FBXO11: variants seen among roughly 807,000 people sequenced by gnomAD.
FBXO11 encodes F-box protein 11.
FBXO11 carries 13 observed loss-of-function variants against 117.0 expected under a neutral mutation model. That is an observed-to-expected ratio of 0.11 (90% confidence interval 0.07 to 0.18). The LOEUF is 0.18. Ranked by LOEUF, FBXO11 falls within the 10% of genes least tolerant of loss-of-function variation. The pLI is 1.00. For missense variants in FBXO11, 767 were observed against 1,164.4 expected, an observed-to-expected ratio of 0.66 and a Z score of 4.97; for synonymous variants, 490 against 380.5, an observed-to-expected ratio of 1.29 and a Z score of -3.35.
chr2:47,822,437 CT>C, intron 12 of FBXO11, 134 bp from the exon 13 acceptor site: 1 of 591,128 alleles, frequency 1.7e-6, no homozygotes, highest in African/African-American at 1.9e-5. Context: ...TTCATTATTT[CT>C]AAGGCCTAAG....
intron 1 of FBXO11, among the ~76,000 whole-genome samples, chr2:47,871,554 TTACA>T (rs1675626055): frequency 6.6e-6 from 1 of 152,252 alleles, no homozygotes; most frequent in South Asian, 2.1e-4. Context: ...TCATTTTAAT[TTACA>T]TTTTTTCTGA....
rs1324255831 is a variant in FBXO11, at chr2:47,901,094, T to TAC, written c.232+4393_232+4394dup. On this transcript the variant is annotated intron_variant, in intron 1 of 22. Transcript: ENST00000403359. ...ATATACACACGTGTGTACATATATA[T>TAC]ACATATATATGTATATATGTACACA... is the stretch of plus-strand genomic sequence containing the variant. Among the ~76,000 whole-genome samples, 6 of 114,734 alleles carry TAC rather than the reference T, an allele frequency of 5.2e-5. 1 individual carries two copies. The highest frequency in any genetic ancestry group is 1.3e-4 in the African/African-American group (4 of 31,574). The allele number at this position is 114,734 out of a possible 152,430, so 75.3% of individuals were successfully genotyped here.
At chr2:47,861,938 GCT>G (rs1432765858) in intron 1 of FBXO11, among the ~76,000 whole-genome samples, 1 of 148,980 alleles carries the variant, frequency 6.7e-6, no homozygotes, top group Non-Finnish European at 1.5e-5. Flanking sequence ...ATAGAATCTT[GCT>G]CTGTTTCTGT....
At chr2:47,854,610 A>G (rs1364226924) in intron 1 of FBXO11, among the ~76,000 whole-genome samples, 1 of 152,130 alleles carries the variant, frequency 6.6e-6, no homozygotes, top group Non-Finnish European at 1.5e-5. Context: ...AGAGGGACAA[A>G]CTAGATCAGC....
chr2:47,905,611 T>G lies in FBXO11; in HGVS notation c.110A>C (p.Gln37Pro), dbSNP rs1233512223. 3 of 1,356,304 alleles carry G rather than the reference T, an allele frequency of 2.2e-6. No homozygotes were observed. The highest frequency in any genetic ancestry group is 3.1e-5 in the Admixed American group (1 of 32,600). 84.0% of individuals were successfully genotyped at this position (1,356,304 alleles called of 1,614,324 possible). Residue 37 changes from glutamine to proline, a missense_variant, in exon 1 of 23, where the codon CAG (glutamine) becomes CCG (proline). Transcript: ENST00000403359. ...AGGCTGCTGCTGGGGCGGCTGCTGC[T>G]GGGGCGGCTGCGGCGGCGGCTGCTG... ...PPQQPPPQPPQQQPPQQQPPP... is the reference protein window; with the variant it reads ...PPQQPPPQPPPQQPPQQQPPP...
At position 47,814,526 on chromosome 2, in the gene FBXO11, ACACCACCATGC is replaced by A. The variant is rs1482718248; in HGVS notation, c.2007-670_2007-660del. 2.6e-5 allele frequency among the ~76,000 whole-genome samples: 4 copies of A among 152,076 alleles called. No individual in the cohort carries two copies. In the East Asian group the frequency reaches 7.8e-4, roughly 30 times the overall value. ...CCCGAGTAGCTGGGACTACAGGTGC[ACACCACCATGC>A]CCAGTTAATTTTTGTATTTTTTGTA... On this transcript the variant is annotated intron_variant, in intron 16 of 22. Coordinates refer to ENST00000403359, the MANE Select transcript of FBXO11 (RefSeq NM_001190274.2).
chr2:47,877,603 T>C (rs1016200309), intron 1 of FBXO11, among the ~76,000 whole-genome samples: 1 of 152,188 alleles, frequency 6.6e-6, no homozygotes, highest in African/African-American at 2.4e-5. Flanking sequence ...TGTGTATCTT[T>C]GTGTGCTTAC....
rs200557553 is a variant in FBXO11, at chr2:47,839,422, A to G, written c.439T>C (p.Ser147Pro). Reference sequence around the variant, plus strand: ...GTTACTTTCCCACAGGAAATACCTGATAGATCTTGTGATTTTCCAGACACT... The same window carrying G: ...GTTACTTTCCCACAGGAAATACCTGGTAGATCTTGTGATTTTCCAGACACT... ...ARVSGKSQDL[S>P]AAPAEQYLQE... Residue 147 changes from serine (S) to proline (P), a missense_variant, in exon 3 of 23, where the codon TCA becomes CCA. By Grantham distance (74) the Ser-to-Pro change is moderately conservative (BLOSUM62 -1). Coordinates refer to ENST00000403359, the MANE Select transcript of FBXO11 (RefSeq NM_001190274.2). 9 of 1,611,770 alleles carry G rather than the reference A, an allele frequency of 5.6e-6. No homozygotes were observed. The East Asian group carries it at 1.1e-4, about 20-fold the overall frequency.
At chr2:47,893,166 T>TTAAATAAATAAATAAATAAATAAA (rs369987358) in intron 1 of FBXO11, among the ~76,000 whole-genome samples, 122 of 141,580 alleles carry the variant, frequency 8.6e-4, no homozygotes, top group Non-Finnish European at 1.3e-3. Context: ...AAAAAATAAA[T>TTAAATAAATAAATAAATAAATAAA]TAAATAAATA....
intron 1 of FBXO11, among the ~76,000 whole-genome samples, chr2:47,843,622 A>C (rs1162617822): frequency 1.3e-5 from 2 of 152,042 alleles, no homozygotes; most frequent in African/African-American, 4.8e-5. Context: ...CTGCCTTACA[A>C]ATCTATTTTT....
Position 47,820,394 on chromosome 2 carries a change from T to G in FBXO11, c.1765A>C (p.Ile589Leu). ...NSCPIVRHNK[I>L]HDGQHGGIYV... ...ATCCCACCATGCTGGCCATCATGAA[T>G]TTTGTTATGCCGAACAATTGGACAA... Residue 589 changes from isoleucine to leucine, a missense_variant, in exon 14 of 23, where the codon ATT becomes CTT. Physicochemically the swap from Ile to Leu is conservative, Grantham distance 5. This residue lies in a region of FBXO11 where 67 missense variants were observed against 148.8 expected (regional missense o/e 0.45). Transcript: ENST00000403359. The G allele has an allele frequency of 6.2e-7, 1 of 1,613,856 alleles. No homozygotes were observed. Among genetic ancestry groups the G allele is most frequent in the Non-Finnish European group, 8.5e-7 (1 of 1,179,922 alleles).
At chr2:47,820,315 C>T (rs757272873) in intron 14 of FBXO11, 47 bp downstream of exon 14, 20 of 1,466,914 alleles carry the variant, frequency 1.4e-5, no homozygotes, top group Non-Finnish European at 1.8e-5. Context: ...CTTTATCCCC[C>T]TGGTTTTGAT....
At chr2:47,823,106 G>C in intron 12 of FBXO11, 37 bp downstream of exon 12, 1 of 1,487,990 alleles carries the variant, frequency 6.7e-7, no homozygotes, top group Admixed American at 2.0e-5. Context: ...ACCTTGAAGT[G>C]AAAAAGTAAT....
intron 4 of FBXO11, among the ~76,000 whole-genome samples, chr2:47,838,205 C>G (rs886387163): frequency 8.5e-5 from 13 of 152,130 alleles, no homozygotes; most frequent in Middle Eastern, 6.8e-3. Context: ...TGCACTCCAG[C>G]CTGGGTGACA....
At chr2:47,875,293 GGCAA>G (rs1675917162) in intron 1 of FBXO11, among the ~76,000 whole-genome samples, 1 of 152,128 alleles carries the variant, frequency 6.6e-6, no homozygotes, top group African/African-American at 2.4e-5. Flanking sequence ...AGTCACATGT[GGCAA>G]GTGGCTACCA....
intron 1 of FBXO11, among the ~76,000 whole-genome samples, chr2:47,894,045 C>G (rs1025951471): frequency 1.3e-5 from 2 of 152,200 alleles, no homozygotes; most frequent in African/African-American, 2.4e-5. Flanking sequence ...ACCATATCAT[C>G]AATTTCAATC....
intron 1 of FBXO11, among the ~76,000 whole-genome samples, chr2:47,862,014 G>C (rs1674814611): frequency 6.6e-6 from 1 of 152,066 alleles, no homozygotes; most frequent in Non-Finnish European, 1.5e-5. Context: ...CCAGGTTCAG[G>C]TGATTCTCCT....
chr2:47,856,120 AAAAC>A (rs1265948847), intron 1 of FBXO11, among the ~76,000 whole-genome samples: 5 of 152,206 alleles, frequency 3.3e-5, no homozygotes, highest in African/African-American at 9.7e-5. Context: ...CTAAAGATGA[AAAAC>A]AAACAAAAAC....
chr2:47,890,302 T>A (rs1677163607), intron 1 of FBXO11, among the ~76,000 whole-genome samples: 2 of 152,130 alleles, frequency 1.3e-5, no homozygotes, highest in Non-Finnish European at 2.9e-5. Context: ...TGATTATCAG[T>A]CATCCTCATT....
Sources: allele counts gnomAD v4.1 joint callset (sites outside exome capture counted in the v4.1 genomes callset), GRCh38; gene constraint gnomAD v4.1.1; regional missense constraint gnomAD v4.1.1; transcripts MANE v1.5; gene names NCBI Gene and HGNC (gene_info 2026-07-23, HGNC 2026-07-21).